GRID2: variants seen among roughly 807,000 people sequenced by gnomAD.
GRID2 encodes glutamate ionotropic receptor delta type subunit 2, also known as glutamate receptor ionotropic, delta-2.
GRID2 carries 33 observed loss-of-function variants against 114.8 expected under a neutral mutation model. The ratio of observed to expected loss-of-function variants is 0.29; its 90% CI spans 0.22 to 0.38. The LOEUF (loss-of-function observed/expected upper bound fraction) is 0.38, where lower values mean the gene tolerates loss of function less well. GRID2 is among the 10% of genes least tolerant of loss of function. The pLI, the probability that GRID2 is intolerant of heterozygous loss-of-function variation, is 1.00. For synonymous variants in GRID2, 505 were observed against 449.9 expected (o/e 1.12, Z -1.55); for missense variants, 1,184 against 1,257.7 (o/e 0.94, Z 0.89).
chr4:93,182,980 T>C (rs1740039821), intron 4 of GRID2, among the ~76,000 whole-genome samples: 1 of 152,218 alleles, frequency 6.6e-6, no homozygotes, highest in South Asian at 2.1e-4. Context: ...GTGTTTCTGA[T>C]GCAGTATAAA....
rs1045905262 is a variant in GRID2, at chr4:92,559,094, A to G, written c.89-31037A>G. Among the ~76,000 whole-genome samples the G allele has an allele frequency of 6.6e-5, 10 of 152,206 alleles. No individual in the cohort carries two copies. The South Asian group carries it at 1.4e-3, about 22-fold the overall frequency. ...CTGTTCATTATTTATGCCAATGCCT[A>G]TAACTTAAAAGTAAATTATTCCTAT... On this transcript the variant is annotated intron_variant, in intron 1 of 15. Coordinates refer to ENST00000282020, the MANE Select transcript of GRID2 (RefSeq NM_001510.4).
At chr4:92,685,717 A>G (rs575153130) in intron 2 of GRID2, among the ~76,000 whole-genome samples, 1 of 152,170 alleles carries the variant, frequency 6.6e-6, no homozygotes, top group East Asian at 1.9e-4. Context: ...CCAACCCTAA[A>G]GAATGATGGG....
intron 1 of GRID2, among the ~76,000 whole-genome samples, chr4:92,453,305 A>G (rs1056931713): frequency 6.6e-6 from 1 of 152,144 alleles, no homozygotes; most frequent in African/African-American, 2.4e-5. Context: ...TGGCCAGGCC[A>G]ACAGGGAGTC....
At chr4:92,598,152 T>G (rs1178669530) in intron 2 of GRID2, among the ~76,000 whole-genome samples, 2 of 152,168 alleles carry the variant, frequency 1.3e-5, no homozygotes, top group African/African-American at 2.4e-5. Flanking sequence ...AAAAGCTCTC[T>G]TTTAAAAGGA....
At chr4:93,447,809 G>A (rs991621395) in intron 10 of GRID2, among the ~76,000 whole-genome samples, 1 of 151,722 alleles carries the variant, frequency 6.6e-6, no homozygotes, top group African/African-American at 2.4e-5. Context: ...GGCTGAAAAT[G>A]AAATCACATA....
chr4:93,487,848 T>G (rs114653902), intron 11 of GRID2, among the ~76,000 whole-genome samples: 2,279 of 152,054 alleles, frequency 0.015, 54 homozygotes, highest in African/African-American at 0.052. Flanking sequence ...GGAGGATTGT[T>G]CTGAATGGCT....
intron 14 of GRID2, among the ~76,000 whole-genome samples, chr4:93,660,963 G>C (rs929083037): frequency 6.6e-6 from 1 of 151,836 alleles, no homozygotes; most frequent in African/African-American, 2.4e-5. Context: ...TATCCACAGG[G>C]GGAAAAAAAA....
intron 8 of GRID2, among the ~76,000 whole-genome samples, chr4:93,392,503 A>G (rs574828115): frequency 6.6e-6 from 1 of 152,222 alleles, no homozygotes; most frequent in Admixed American, 6.5e-5. Context: ...ATTGCTTATT[A>G]TTTTAAAAAG....
intron 4 of GRID2, among the ~76,000 whole-genome samples, chr4:93,131,052 T>C (rs952601979): frequency 6.6e-6 from 1 of 152,092 alleles, no homozygotes; most frequent in Admixed American, 6.5e-5. Context: ...AAAGTAAAGA[T>C]TTTTTTCTTA....
At position 93,261,823 on chromosome 4, in the gene GRID2, A is replaced by C. The variant is rs1750287007; in HGVS notation, c.1245+23333A>C. On this transcript the variant is annotated intron_variant, in intron 8 of 15. Coordinates refer to ENST00000282020, the MANE Select transcript of GRID2 (RefSeq NM_001510.4). ...GTAAATATTTTAGGCTTTGTGGGCC[A>C]TGTATGTCTCTTTTGCATATTCTTC... 5.3e-5 allele frequency among the ~76,000 whole-genome samples: 8 copies of C among 151,782 alleles called. 1 individual carries two copies. The South Asian group carries it at 1.7e-3, about 31-fold the overall frequency.
At chr4:93,295,611 G>A (rs916967076) in intron 8 of GRID2, among the ~76,000 whole-genome samples, 4 of 150,720 alleles carry the variant, frequency 2.7e-5, no homozygotes, top group Admixed American at 6.6e-5. Flanking sequence ...TCCTCTCCCC[G>A]CTCCTCCTCC....
Position 93,598,638 on chromosome 4 carries a change from T to C in GRID2, c.2194-27631T>C, listed in dbSNP as rs542881692. Among the ~76,000 whole-genome samples, 3 of 152,360 alleles carry C rather than the reference T, an allele frequency of 2.0e-5. No individual in the cohort carries two copies. In the East Asian group the frequency reaches 5.8e-4, roughly 29 times the overall value. On this transcript the variant is annotated intron_variant, in intron 13 of 15. Coordinates refer to ENST00000282020, the MANE Select transcript of GRID2 (RefSeq NM_001510.4). Reference sequence around the variant, plus strand: ...TTTCCATATGAGCAAGTTATAATACTATCTATATTTGCATTTTAGTATGTT... The same window carrying C: ...TTTCCATATGAGCAAGTTATAATACCATCTATATTTGCATTTTAGTATGTT...
chr4:92,926,021 C>T (rs1749781855), intron 2 of GRID2, among the ~76,000 whole-genome samples: 1 of 151,920 alleles, frequency 6.6e-6, no homozygotes, highest in South Asian at 2.1e-4. Flanking sequence ...ATTAAAGTTG[C>T]AACATCAACA....
chr4:93,594,106 A>G (rs28789697), intron 13 of GRID2, among the ~76,000 whole-genome samples: 28,832 of 152,044 alleles, frequency 0.19, 3,196 homozygotes, highest in Middle Eastern at 0.32. Flanking sequence ...GAGGAGCTGC[A>G]TTCCTTTGGA....
chr4:92,527,237 T>C (rs779503514), intron 1 of GRID2, among the ~76,000 whole-genome samples: 1 of 152,142 alleles, frequency 6.6e-6, no homozygotes, highest in Non-Finnish European at 1.5e-5. Flanking sequence ...CCTCTTACAA[T>C]TTGAATAAAT....
intron 2 of GRID2, among the ~76,000 whole-genome samples, chr4:92,732,451 G>A (rs1323343412): frequency 6.6e-6 from 1 of 151,910 alleles, no homozygotes; most frequent in Non-Finnish European, 1.5e-5. Context: ...TGCATTCAAA[G>A]AACTCCCAGG....
chr4:93,756,506 C>T (rs929503117), intron 14 of GRID2, among the ~76,000 whole-genome samples: 1 of 152,134 alleles, frequency 6.6e-6, no homozygotes, highest in Non-Finnish European at 1.5e-5. Context: ...CTTCTCTTGG[C>T]TTGTAGGGAA....
intron 8 of GRID2, among the ~76,000 whole-genome samples, chr4:93,316,283 C>CGAAAGAAAGAAAGAAAGAAAGAAAGAAA (rs1382874932): frequency 1.0e-5 from 1 of 97,686 alleles, no homozygotes; most frequent in Non-Finnish European, 2.2e-5. Context: ...AAGAAAAGAA[C>CGAAAGAAAGAAAGAAAGAAAGAAAGAAA]GAAAGAACGA....
intron 2 of GRID2, among the ~76,000 whole-genome samples, chr4:92,652,509 C>G (rs1731992337): frequency 6.6e-6 from 1 of 150,814 alleles, no homozygotes; most frequent in Admixed American, 6.6e-5. Context: ...ATGACCCTGT[C>G]TCTACAAAAA....
Sources: gnomAD v4.1 joint callset for allele counts (sites outside exome capture counted in the v4.1 genomes callset) on GRCh38, gnomAD v4.1.1 for gene constraint, MANE v1.5 for transcripts, NCBI Gene and HGNC (gene_info 2026-07-23, HGNC 2026-07-21) for gene names.